Variants in PSD3 observed in about 807,000 individuals in gnomAD.
The protein encoded by PSD3 is PH and SEC7 domain-containing protein 3.
In PSD3, 49 loss-of-function variants were observed where a neutral mutation model predicts 105.5. The observed-to-expected ratio is 0.46, with a 90% CI of 0.37 to 0.59. The LOEUF (loss-of-function observed/expected upper bound fraction) is 0.59. PSD3 is among the 20% of genes least tolerant of loss of function. PSD3 has a pLI of 0.00. For synonymous variants in PSD3, 557 were observed against 457.8 expected (o/e 1.22, Z -2.77); for missense variants, 1,561 against 1,263.8 (o/e 1.24, Z -3.57).
Position 19,044,388 on chromosome 8 carries a change from G to A in PSD3, c.324+39818C>T, listed in dbSNP as rs534798045. Among the ~76,000 whole-genome samples, 20 of 152,228 alleles carry A rather than the reference G, an allele frequency of 1.3e-4. No homozygotes were observed. The East Asian group carries it at 2.1e-3, about 16-fold the overall frequency. ...AATGCAAGAGCCTGAGCTTTGGAGC[G>A]TCAGATAGGATTCAATTCTAGGCTC... On this transcript the variant is annotated intron_variant, in intron 1 of 1. Transcript: ENST00000521475.
At chr8:18,913,293 C>T (rs1482228553) in intron 2 of PSD3, among the ~76,000 whole-genome samples, 3 of 152,218 alleles carry the variant, frequency 2.0e-5, no homozygotes, top group Middle Eastern at 3.4e-3. Context: ...TTCTCTATCT[C>T]GGGTTGATTC....
intron 8 of PSD3, among the ~76,000 whole-genome samples, chr8:18,768,552 G>A (rs918548907): frequency 1.3e-5 from 2 of 152,174 alleles, no homozygotes; most frequent in African/African-American, 4.8e-5. Context: ...AGCCATAATT[G>A]TGCCACTGCA....
chr8:18,700,395 G>C (rs1322660282), intron 9 of PSD3, among the ~76,000 whole-genome samples: 1 of 152,136 alleles, frequency 6.6e-6, no homozygotes, highest in Non-Finnish European at 1.5e-5. Context: ...GTACTTTCTA[G>C]AGTACGGTTG....
At chr8:18,815,327 G>C (rs994572547) in intron 4 of PSD3, among the ~76,000 whole-genome samples, 1 of 152,048 alleles carries the variant, frequency 6.6e-6, no homozygotes. Context: ...GGAGGTGTGG[G>C]GGATGGAGTC....
At chr8:18,591,809 C>T (rs529125252) in intron 12 of PSD3, among the ~76,000 whole-genome samples, 21 of 152,248 alleles carry the variant, frequency 1.4e-4, no homozygotes, top group African/African-American at 3.8e-4. Context: ...CAGGGGACAG[C>T]TGGGTAGCTT....
chr8:18,929,298 A>C (rs1412352360), intron 2 of PSD3, among the ~76,000 whole-genome samples: 1 of 152,166 alleles, frequency 6.6e-6, no homozygotes, highest in East Asian at 1.9e-4. Flanking sequence ...CATAGACAGA[A>C]GTCACAACCC....
intron 1 of PSD3, among the ~76,000 whole-genome samples, chr8:19,050,362 T>C (rs900186974): frequency 6.6e-6 from 1 of 152,172 alleles, no homozygotes; most frequent in Non-Finnish European, 1.5e-5. Context: ...AGAAAAATCA[T>C]GCTGCTATAA....
intron 1 of PSD3, among the ~76,000 whole-genome samples, chr8:18,974,908 A>G (rs1824845742): frequency 6.6e-6 from 1 of 151,582 alleles, no homozygotes; most frequent in Non-Finnish European, 1.5e-5. Context: ...GGTCAAAGGG[A>G]AAAAAAAATA....
Position 18,777,110 on chromosome 8 carries a change from T to C in PSD3, c.2083-11572A>G, listed in dbSNP as rs558583194. ...CAGACTGGAGTGCAGTGGAACGATC[T>C]TGGCTCACTGAAACCTCTGCCTCCT... On this transcript the variant is annotated intron_variant, in intron 8 of 15. Coordinates refer to ENST00000327040, the MANE Select transcript of PSD3 (RefSeq NM_015310.4). 3.9e-5 allele frequency among the ~76,000 whole-genome samples: 6 copies of C among 152,298 alleles called. No individual in the cohort carries two copies. The South Asian group carries it at 1.2e-3, about 32-fold the overall frequency.
chr8:19,054,861 T>A (rs1267322204), intron 1 of PSD3, among the ~76,000 whole-genome samples: 1 of 152,180 alleles, frequency 6.6e-6, no homozygotes, highest in Non-Finnish European at 1.5e-5. Flanking sequence ...AATTAGAATA[T>A]CATATACATT....
At chr8:18,998,404 T>C (rs575178953) in intron 1 of PSD3, among the ~76,000 whole-genome samples, 93 of 152,054 alleles carry the variant, frequency 6.1e-4, no homozygotes, top group African/African-American at 2.1e-3. Context: ...AGATGGGTCC[T>C]GGGCCGGGTG....
chr8:19,008,544 A>G (rs773708816), intron 1 of PSD3, among the ~76,000 whole-genome samples: 7 of 152,186 alleles, frequency 4.6e-5, no homozygotes, highest in Non-Finnish European at 7.3e-5. Context: ...CTATCAAATA[A>G]CTTCTTGAAA....
Position 18,911,263 on chromosome 8 carries a change from C to G in PSD3, c.130+24771G>C, listed in dbSNP as rs189674823. 7.9e-4 allele frequency among the ~76,000 whole-genome samples: 120 copies of G among 152,216 alleles called. 1 individual carries two copies. The highest frequency in any genetic ancestry group is 3.5e-3 in the South Asian group (17 of 4,826). On this transcript the variant is annotated intron_variant, in intron 2 of 15. Transcript: ENST00000327040. Reference sequence around the variant, plus strand: ...AAAGACTGAAATAACAAAAATAAAGCCAGAGAAGTTAAATAATGTATTCAA... The same window carrying G: ...AAAGACTGAAATAACAAAAATAAAGGCAGAGAAGTTAAATAATGTATTCAA...
intron 14 of PSD3, among the ~76,000 whole-genome samples, chr8:18,568,829 T>C (rs1404793927): frequency 6.6e-6 from 1 of 151,716 alleles, no homozygotes; most frequent in Non-Finnish European, 1.5e-5. Flanking sequence ...TAGCATTAGG[T>C]ATATCTCCCG....
chr8:19,045,187 A>G (rs1828274306), intron 1 of PSD3, among the ~76,000 whole-genome samples: 1 of 152,168 alleles, frequency 6.6e-6, no homozygotes, highest in African/African-American at 2.4e-5. Flanking sequence ...TCCATCAAAA[A>G]CAAAAAAACA....
At chr8:18,735,761 A>G (rs1430719341) in intron 9 of PSD3, among the ~76,000 whole-genome samples, 2 of 152,178 alleles carry the variant, frequency 1.3e-5, no homozygotes, top group Non-Finnish European at 2.9e-5. Flanking sequence ...AAAACAAAGG[A>G]TTATTGGATA....
At chr8:19,053,202 G>A (rs1346579218) in intron 1 of PSD3, among the ~76,000 whole-genome samples, 1 of 152,080 alleles carries the variant, frequency 6.6e-6, no homozygotes, top group Non-Finnish European at 1.5e-5. Context: ...TGGGTCTATG[G>A]CGCACAGGGG....
intron 2 of PSD3, among the ~76,000 whole-genome samples, chr8:18,921,865 G>C (rs1488097880): frequency 6.6e-6 from 1 of 152,138 alleles, no homozygotes; most frequent in Non-Finnish European, 1.5e-5. Context: ...GTGCTCTGAA[G>C]GCACCAGCAC....
chr8:18,869,606 T>C (rs1817189545), intron 3 of PSD3, among the ~76,000 whole-genome samples: 1 of 152,184 alleles, frequency 6.6e-6, no homozygotes, highest in African/African-American at 2.4e-5. Context: ...CCTGTGCACA[T>C]GCTGTTCCCT....
Sources: allele counts gnomAD v4.1 joint callset (sites outside exome capture counted in the v4.1 genomes callset), GRCh38; gene constraint gnomAD v4.1.1; transcripts MANE v1.5; gene names NCBI Gene and HGNC (gene_info 2026-07-23, HGNC 2026-07-21).